Variants in NKX2-5 observed in about 807,000 individuals in gnomAD.
The protein encoded by NKX2-5 is homeobox protein Nkx-2.5.
In NKX2-5, 3 loss-of-function variants were observed where a neutral mutation model predicts 24.5. The ratio of observed to expected loss-of-function variants is 0.12; its 90% CI spans 0.06 to 0.32. The LOEUF is 0.32. Ranked by LOEUF, NKX2-5 falls within the 10% of genes least tolerant of loss-of-function variation. The pLI, the probability that NKX2-5 is intolerant of heterozygous loss-of-function variation, is 1.00. For missense variants in NKX2-5, 429 were observed against 452.4 expected, an observed-to-expected ratio of 0.95 and a Z score of 0.47; for synonymous variants, 215 against 217.6, an observed-to-expected ratio of 0.99 and a Z score of 0.11.
chr5:173,232,787 A>G lies in NKX2-5; in HGVS notation c.757T>C (p.Tyr253His), dbSNP rs1761347945. Residue 253 changes from tyrosine to histidine, a missense_variant, in exon 2 of 2, where the codon TAC (tyrosine) becomes CAC (histidine). Around this residue, in one of 3 missense-constraint regions of NKX2-5, gnomAD observed 183 missense variants for 185.9 expected, o/e 0.98. Coordinates refer to ENST00000329198, the MANE Select transcript of NKX2-5 (RefSeq NM_004387.4). This position sits in a 1 kb window ranked among gnomAD's most constrained non-coding sequence, Gnocchi z 5.9. ...CCGCCGTAACCCGGATAGGCGGGGT[A>G]GGCGTTATAACCGTAGGGATTGAGG... ...VGLNPYGYNA[Y>H]PAYPGYGGAA... The G allele has an allele frequency of 1.2e-6, 2 of 1,611,040 alleles. No homozygotes were observed. The highest frequency in any genetic ancestry group is 1.3e-5 in the African/African-American group (1 of 74,894).
rs28936670 is a variant in NKX2-5, at chr5:173,235,011, G to A, written c.73C>T (p.Arg25Cys). 2.8e-3 allele frequency: 4,440 copies of A among 1,612,236 alleles called. 53 individuals carry two copies. In the African/African-American group the frequency reaches 0.033, roughly 12 times the overall value. ...AGCTCTCCGGCGGCAGCCAGGCTGC[G>A]CTGCTGCTGTTCCAGGTTTAGGATG... ...KDILNLEQQQRSLAAAGELSA... is the reference protein window; with the variant it reads ...KDILNLEQQQCSLAAAGELSA... Residue 25 changes from arginine to cysteine, a missense_variant, in exon 1 of 2, where the codon CGC (arginine) becomes TGC (cysteine). This residue lies in a region of NKX2-5 where 240 missense variants were observed against 240.4 expected (regional missense o/e 1.00). Coordinates refer to ENST00000329198, the MANE Select transcript of NKX2-5 (RefSeq NM_004387.4).
In NKX2-5 at chr5:173,234,759, C is replaced by T. The variant is rs1290647391; in HGVS notation, c.325G>A (p.Glu109Lys). ...TGTGTTTCCTCCTCACCTTTCTTTT[C>T]GGCTCTAGGGTCCTTGGCTGGGTCG... ...DPDPAKDPRAEKKELCALQKA... is the reference protein window; with the variant it reads ...DPDPAKDPRAKKKELCALQKA... The change falls in exon 1 of 2, where the codon GAA becomes AAA. Residue 109 changes from glutamate to lysine, a missense_variant. Physicochemically the swap from Glu to Lys is moderately conservative, Grantham distance 56 (BLOSUM62 1). This residue lies in a region of NKX2-5 where 240 missense variants were observed against 240.4 expected (regional missense o/e 1.00). Coordinates refer to ENST00000329198, the MANE Select transcript of NKX2-5 (RefSeq NM_004387.4). 1.3e-6 allele frequency: 2 copies of T among 1,522,392 alleles called. No individual in the cohort carries two copies. Among genetic ancestry groups the T allele is most frequent in the East Asian group, 4.8e-5 (2 of 41,790 alleles). 94.3% of individuals were successfully genotyped at this position (1,522,392 alleles called of 1,614,324 possible). A position where few individuals can be genotyped will look rare whatever the true frequency, so the allele number is the denominator to read the frequency against.
Position 173,235,144 on chromosome 5 carries a change from C to T in NKX2-5, c.-61G>A. 2 of 1,516,948 alleles carry T rather than the reference C, an allele frequency of 1.3e-6. No individual in the cohort carries two copies. Among genetic ancestry groups the T allele is most frequent in the Non-Finnish European group, 1.8e-6 (2 of 1,126,600 alleles). 94.0% of individuals were successfully genotyped at this position (1,516,948 alleles called of 1,614,324 possible). On this transcript the variant is annotated 5_prime_UTR_variant, in exon 1 of 2. Transcript: ENST00000329198. ...GCAGAAAGCGGCGCTGCCCACGGCC[C>T]CTGGCAGCTTCCCTGCATGGTGCCG...
rs369935783 is a variant in NKX2-5, at chr5:173,235,107, G to A, written c.-24C>T. 57 of 1,585,460 alleles carry A rather than the reference G, an allele frequency of 3.6e-5. No homozygotes were observed. Among genetic ancestry groups the A allele is most frequent in the East Asian group, 4.6e-5 (2 of 43,900 alleles). ...ATGGTGGCAGCGCCAGTCTCACAGCGCCAGGTGGGCGGCAGAAAGCGGCGC... is the reference window on the plus strand; with the variant it reads ...ATGGTGGCAGCGCCAGTCTCACAGCACCAGGTGGGCGGCAGAAAGCGGCGC... On this transcript the variant is annotated 5_prime_UTR_variant, in exon 1 of 2. Transcript: ENST00000329198.
chr5:173,233,232 A>G, intron 1 of NKX2-5, 23 bp from the exon 2 acceptor site: 3 of 1,596,078 alleles, frequency 1.9e-6, no homozygotes, highest in Non-Finnish European at 2.5e-6. Context: ...AGAGAGGCAG[A>G]GAGACGCTTG....
chr5:173,233,819 G>T (rs1761396296), intron 1 of NKX2-5: 2 of 983,572 alleles, frequency 2.0e-6, no homozygotes, highest in South Asian at 9.4e-5. Context: ...AGTTCTAGCC[G>T]CCGTGCCCGC....
intron 1 of NKX2-5, chr5:173,234,186 C>G: frequency 7.9e-7 from 1 of 1,273,558 alleles, no homozygotes; most frequent in Non-Finnish European, 1.0e-6. Context: ...CCGCAGTATC[C>G]CATTTTAAAA....
chr5:173,233,632 T>C, intron 1 of NKX2-5: 1 of 652,548 alleles, frequency 1.5e-6, no homozygotes, highest in Admixed American at 3.2e-5. Flanking sequence ...GCCTCACTGC[T>C]AGGGACGGTC....
At chr5:173,234,520 C>T (rs1761416325) in intron 1 of NKX2-5, among the ~76,000 whole-genome samples, 1 of 152,032 alleles carries the variant, frequency 6.6e-6, no homozygotes, top group South Asian at 2.1e-4. Context: ...CGGGGGGAAA[C>T]GTTTTTTGGT....
At chr5:173,234,625 TTCTGAACCCCCCGCCGCAGCCCAGCC>T (rs1229511268) in intron 1 of NKX2-5, 99 bp downstream of exon 1, 1 of 876,612 alleles carries the variant, frequency 1.1e-6, no homozygotes, top group Admixed American at 3.7e-5. Flanking sequence ...GCATCTTACA[TTCTGAACCCCCCGCCGCAGCCCAGCC>T]CTCGGCCCAA....
At position 173,233,162 on chromosome 5, in the gene NKX2-5, C is replaced by G. The variant is rs779663474; in HGVS notation, c.382G>C (p.Asp128His). The stretch of plus-strand genomic sequence containing the variant: ...CGCGCCCGGGGCCGCTCCGCGTTGT[C>G]CGCCTCTGTCTTCTCCAGCTCCACC... Reference protein sequence around the residue: ...KAVELEKTEADNAERPRARRR... With the variant: ...KAVELEKTEAHNAERPRARRR... Residue 128 changes from aspartate (D) to histidine (H), a missense_variant, in exon 2 of 2, where the codon GAC becomes CAC. Asp to His is a moderately conservative substitution (Grantham distance 81, BLOSUM62 -1). Coordinates refer to ENST00000329198, the MANE Select transcript of NKX2-5 (RefSeq NM_004387.4). 6.2e-6 allele frequency: 10 copies of G among 1,603,146 alleles called. No homozygotes were observed. In the South Asian group the frequency reaches 6.7e-5, roughly 11 times the overall value.
intron 1 of NKX2-5, chr5:173,234,259 G>A (rs1056827678): frequency 4.1e-6 from 5 of 1,205,912 alleles, no homozygotes; most frequent in Middle Eastern, 2.5e-4. Context: ...CCAGAAACCC[G>A]GGTCGTGGGT....
intron 1 of NKX2-5, chr5:173,233,779 C>T (rs1341941522): frequency 1.0e-6 from 1 of 958,942 alleles, no homozygotes; most frequent in Non-Finnish European, 1.2e-6. Flanking sequence ...CGGAACCTGC[C>T]TTGCTGGCTT....
chr5:173,232,470 C>A lies in NKX2-5; in HGVS notation c.*99G>T. On this transcript the variant is annotated 3_prime_UTR_variant, in exon 2 of 2. Transcript: ENST00000329198. This position sits in a 1 kb window ranked among gnomAD's most constrained non-coding sequence, Gnocchi z 5.9. ...TCTCCGCAGGAGTGAATGCAAAATC[C>A]AGGGGACTCAGGGTCATGTTGGGAG... 6.5e-7 allele frequency: 1 copy of A among 1,547,940 alleles called. No homozygotes were observed. The highest frequency in any genetic ancestry group is 1.2e-5 in the South Asian group (1 of 85,858).
rs1581107507 is a variant in NKX2-5 at position 173,232,301 on chromosome 5, T to G, written c.*268A>C. ...GCTCAGTCCCAGTTCCAACCGGGGG[T>G]GCCCATGGACTCTCGGAGGGCACTC... On this transcript the variant is annotated 3_prime_UTR_variant, in exon 2 of 2. Coordinates refer to ENST00000329198, the MANE Select transcript of NKX2-5 (RefSeq NM_004387.4). The surrounding 1 kb of genome is among the most constrained non-coding windows in gnomAD (Gnocchi z 5.9). 5 of 547,234 alleles carry G rather than the reference T, an allele frequency of 9.1e-6. No homozygotes were observed. The highest frequency in any genetic ancestry group is 7.1e-5 in the South Asian group (3 of 42,106). The allele number at this position is 547,234 out of a possible 1,614,324, so 33.9% of individuals were successfully genotyped here.
At chr5:173,233,521 A>AT (rs1761383422) in intron 1 of NKX2-5, 2 of 600,762 alleles carry the variant, frequency 3.3e-6, no homozygotes, top group Admixed American at 3.3e-5. Context: ...AAAAAAAAAT[A>AT]AATAAAAAAA....
Position 173,233,065 on chromosome 5 carries a change from T to C in NKX2-5, c.479A>G (p.Gln160Arg). 6.2e-7 allele frequency: 1 copy of C among 1,603,736 alleles called. No homozygotes were observed. The change falls in exon 2 of 2, where the codon CAG becomes CGG. Residue 160 changes from glutamine (Q) to arginine (R), a missense_variant. By Grantham distance (43) the Gln-to-Arg change is conservative. This residue lies in a region of NKX2-5 where 240 missense variants were observed against 240.4 expected (regional missense o/e 1.00). Transcript: ENST00000329198. ...GCGTTCGGGGGCCGACAGGTACCGC[T>C]GCTGCTTGAAGCGCCGCTCCAGCTC... ...VYELERRFKQQRYLSAPERDQ... is the reference protein window; with the variant it reads ...VYELERRFKQRRYLSAPERDQ...
intron 1 of NKX2-5, chr5:173,233,875 C>A (rs1272121889): frequency 2.0e-6 from 2 of 985,364 alleles, no homozygotes; most frequent in African/African-American, 3.5e-5. Flanking sequence ...CCTATGAATT[C>A]TCTCCCGGCT....
Position 173,232,507 on chromosome 5 carries a change from C to G in NKX2-5, c.*62G>C, listed in dbSNP as rs1343638027. 5 of 1,590,558 alleles carry G rather than the reference C, an allele frequency of 3.1e-6. No homozygotes were observed. In the South Asian group the frequency reaches 5.6e-5, roughly 18 times the overall value. ...GGTCATGTTGGGAGCCCCTTCTCCC[C>G]CCGAGAGTCAGGGAGCTGTTGAGGT... On this transcript the variant is annotated 3_prime_UTR_variant, in exon 2 of 2. Transcript: ENST00000329198. The surrounding 1 kb of genome is among the most constrained non-coding windows in gnomAD (Gnocchi z 5.9).
Sources: gnomAD v4.1 joint callset for allele counts (sites outside exome capture counted in the v4.1 genomes callset) on GRCh38, gnomAD v4.1.1 for gene constraint, gnomAD v4.1.1 regional missense constraint, Gnocchi (gnomAD v3.1) non-coding constraint, MANE v1.5 for transcripts, NCBI Gene and HGNC (gene_info 2026-07-23, HGNC 2026-07-21) for gene names.